The following RALGPS2 variants were observed in gnomAD, a reference collection of about 807,000 sequenced individuals.
RALGPS2 encodes Ral GEF with PH domain and SH3 binding motif 2, also known as ras-specific guanine nucleotide-releasing factor RalGPS2.
Under a neutral mutation model 86.8 loss-of-function variants are expected in RALGPS2, and 43 were observed. That is an observed-to-expected ratio of 0.50 (90% confidence interval 0.39 to 0.64). The LOEUF (loss-of-function observed/expected upper bound fraction) is 0.64, where lower values mean the gene tolerates loss of function less well. Ranked by LOEUF, RALGPS2 falls within the 30% of genes least tolerant of loss-of-function variation. RALGPS2 has a pLI of 0.00. For synonymous variants in RALGPS2, 243 were observed against 231.3 expected (o/e 1.05, Z -0.46); for missense variants, 536 against 694.6 (o/e 0.77, Z 2.57).
chr1:178,845,807 A>G (rs1572393232), intron 8 of RALGPS2, among the ~76,000 whole-genome samples: 1 of 152,282 alleles, frequency 6.6e-6, no homozygotes. Flanking sequence ...CTGCCTTTAT[A>G]GAACTTAATA....
At chr1:178,783,615 G>T (rs143589791) in intron 2 of RALGPS2, among the ~76,000 whole-genome samples, 1 of 152,260 alleles carries the variant, frequency 6.6e-6, no homozygotes, top group East Asian at 1.9e-4. Flanking sequence ...GGGTTGATCT[G>T]TGTGTACTGT....
chr1:178,864,291 T>C (rs1050853899), intron 8 of RALGPS2, among the ~76,000 whole-genome samples: 1 of 152,162 alleles, frequency 6.6e-6, no homozygotes, highest in Non-Finnish European at 1.5e-5. Context: ...TTTTTTATAA[T>C]AATGAACATT....
intron 8 of RALGPS2, among the ~76,000 whole-genome samples, chr1:178,834,496 T>C (rs1424905255): frequency 6.6e-6 from 1 of 152,228 alleles, no homozygotes; most frequent in Admixed American, 6.5e-5. Context: ...TCAACCTTAG[T>C]TTCCCAGAGA....
chr1:178,870,823 A>G (rs184109146), intron 8 of RALGPS2: 14 of 152,300 alleles, frequency 9.2e-5, no homozygotes, highest in Admixed American at 6.5e-4. Context: ...AAGTTTGTTC[A>G]TCTGTGACTT....
At chr1:178,744,678 A>G (rs1387899711) in intron 1 of RALGPS2, among the ~76,000 whole-genome samples, 3 of 151,934 alleles carry the variant, frequency 2.0e-5, no homozygotes, top group Non-Finnish European at 2.9e-5. Flanking sequence ...TTAGCGCGGC[A>G]TGGTGGCAGC....
intron 8 of RALGPS2, chr1:178,869,028 C>CT (rs2102346365): frequency 6.6e-6 from 1 of 152,050 alleles, no homozygotes; most frequent in Admixed American, 6.6e-5. Flanking sequence ...ATCCATAAAT[C>CT]TATGTTACCT....
At chr1:178,788,382 A>G (rs568613372) in intron 4 of RALGPS2, among the ~76,000 whole-genome samples, 4 of 152,312 alleles carry the variant, frequency 2.6e-5, no homozygotes, top group Admixed American at 2.6e-4. Context: ...TCCTGCCCTC[A>G]TGGATCTGAT....
At chr1:178,742,479 A>G (rs1651090335) in intron 1 of RALGPS2, among the ~76,000 whole-genome samples, 1 of 152,242 alleles carries the variant, frequency 6.6e-6, no homozygotes, top group Non-Finnish European at 1.5e-5. Context: ...GATAGTATTC[A>G]AGGGAGAAAT....
intron 10 of RALGPS2, among the ~76,000 whole-genome samples, chr1:178,880,081 C>G (rs1167718026): frequency 6.6e-6 from 1 of 151,962 alleles, no homozygotes; most frequent in African/African-American, 2.4e-5. Flanking sequence ...CGCAAGCTTT[C>G]AAATTGAATT....
chr1:178,866,710 A>G (rs1306660068), intron 8 of RALGPS2, among the ~76,000 whole-genome samples: 1 of 152,150 alleles, frequency 6.6e-6, no homozygotes, highest in Non-Finnish European at 1.5e-5. Context: ...TGCATGTTGA[A>G]GGCTAAGGCC....
intron 3 of RALGPS2, among the ~76,000 whole-genome samples, 155 bp downstream of exon 3, chr1:178,784,677 G>A (rs1653561026): frequency 6.6e-6 from 1 of 152,046 alleles, no homozygotes; most frequent in African/African-American, 2.4e-5. Context: ...AGCAAACAGA[G>A]GGATGAAGTG....
intron 8 of RALGPS2, among the ~76,000 whole-genome samples, chr1:178,854,285 A>G (rs528156051): frequency 1.6e-4 from 25 of 152,286 alleles, no homozygotes; most frequent in Middle Eastern, 6.8e-3. Context: ...TCATAGTCCT[A>G]CATAATACCC....
At chr1:178,804,053 CT>C (rs1654611368) in intron 4 of RALGPS2, among the ~76,000 whole-genome samples, 1 of 150,020 alleles carries the variant, frequency 6.7e-6, no homozygotes, top group Non-Finnish European at 1.5e-5. Context: ...CAATCTTCCC[CT>C]GACTCAATCT....
chr1:178,907,399 C>T (rs1480700584), intron 19 of RALGPS2, among the ~76,000 whole-genome samples: 5 of 152,144 alleles, frequency 3.3e-5, no homozygotes, highest in African/African-American at 1.2e-4. Context: ...TCGAATTCAT[C>T]TTTATTTGAT....
At chr1:178,880,610 C>A (rs1254722797) in intron 10 of RALGPS2, among the ~76,000 whole-genome samples, 1 of 152,140 alleles carries the variant, frequency 6.6e-6, no homozygotes, top group Non-Finnish European at 1.5e-5. Context: ...CATAGAACTC[C>A]TACCTAATAA....
At chr1:178,786,935 AG>A (rs1173508687) in intron 4 of RALGPS2, among the ~76,000 whole-genome samples, 7 of 151,976 alleles carry the variant, frequency 4.6e-5, no homozygotes, top group Non-Finnish European at 1.5e-5. Flanking sequence ...CTATAAATGA[AG>A]GGGTGGGCCG....
At chr1:178,772,429 C>T (rs1224767990) in intron 1 of RALGPS2, among the ~76,000 whole-genome samples, 1 of 152,134 alleles carries the variant, frequency 6.6e-6, no homozygotes, top group Non-Finnish European at 1.5e-5. Context: ...AACCTATATT[C>T]GTATTTTGGG....
At chr1:178,832,557 G>A (rs529503095) in intron 7 of RALGPS2, among the ~76,000 whole-genome samples, 1 of 151,902 alleles carries the variant, frequency 6.6e-6, no homozygotes, top group Non-Finnish European at 1.5e-5. Context: ...ATACTTTTTT[G>A]TTAATCTCAT....
intron 4 of RALGPS2, among the ~76,000 whole-genome samples, chr1:178,791,926 A>G (rs1348719331): frequency 6.6e-6 from 1 of 152,236 alleles, no homozygotes; most frequent in East Asian, 1.9e-4. Flanking sequence ...ATTTCACTGT[A>G]GAAACTGTCT....
Sources: allele counts gnomAD v4.1 joint callset (sites outside exome capture counted in the v4.1 genomes callset), GRCh38; gene constraint gnomAD v4.1.1; transcripts MANE v1.5; gene names NCBI Gene and HGNC (gene_info 2026-07-23, HGNC 2026-07-21).